CCBE1: variants seen among roughly 807,000 people sequenced by gnomAD.
CCBE1 encodes collagen and calcium binding EGF domains 1, also known as collagen and calcium-binding EGF domain-containing protein 1.
Under a neutral mutation model 50.0 loss-of-function variants are expected in CCBE1, and 37 were observed. The observed-to-expected ratio is 0.74, with a 90% CI of 0.57 to 0.97. The LOEUF (loss-of-function observed/expected upper bound fraction) is 0.97, where lower values mean the gene tolerates loss of function less well. Ranked by LOEUF, CCBE1 falls within the 50% of genes least tolerant of loss-of-function variation. The pLI, the probability that CCBE1 is intolerant of heterozygous loss-of-function variation, is 0.00. For missense variants in CCBE1, 538 were observed against 523.8 expected (o/e 1.03, Z -0.26); for synonymous variants, 234 against 203.7 (o/e 1.15, Z -1.27).
intron 2 of CCBE1, among the ~76,000 whole-genome samples, chr18:59,618,596 T>C (rs936402585): frequency 6.6e-6 from 1 of 152,078 alleles, no homozygotes; most frequent in Non-Finnish European, 1.5e-5. Flanking sequence ...CACCAAACCC[T>C]GCTAATTTTT....
Position 59,536,218 on chromosome 18 carries a change from T to G in CCBE1, c.213-55980A>C, listed in dbSNP as rs1018258223. Among the ~76,000 whole-genome samples, 4 of 152,368 alleles carry G rather than the reference T, an allele frequency of 2.6e-5. No individual in the cohort carries two copies. In the South Asian group the frequency reaches 6.2e-4, roughly 24 times the overall value. ...TTTGATCAAATCGATCTTTATGAGC[T>G]TCCGTCTTCTCATCTGGTGTGCAAG... On this transcript the variant is annotated intron_variant, in intron 2 of 10. Coordinates refer to ENST00000439986, the MANE Select transcript of CCBE1 (RefSeq NM_133459.4).
intron 2 of CCBE1, among the ~76,000 whole-genome samples, chr18:59,550,196 G>C (rs1216101728): frequency 6.6e-6 from 1 of 152,034 alleles, no homozygotes; most frequent in East Asian, 1.9e-4. Flanking sequence ...CCTCTTGGTG[G>C]GCAAGCTTCC....
At chr18:59,444,506 A>G (rs1910585365) in intron 7 of CCBE1, among the ~76,000 whole-genome samples, 1 of 150,822 alleles carries the variant, frequency 6.6e-6, no homozygotes, top group Non-Finnish European at 1.5e-5. Flanking sequence ...TATCCTTGTC[A>G]ATACTTATTT....
chr18:59,459,178 T>C (rs1911346154), intron 5 of CCBE1: 1 of 152,220 alleles, frequency 6.6e-6, no homozygotes, highest in African/African-American at 2.4e-5. Flanking sequence ...ATTACTATGA[T>C]TCAGTTCTCT....
intron 2 of CCBE1, among the ~76,000 whole-genome samples, chr18:59,576,204 T>C (rs2052992688): frequency 1.3e-5 from 2 of 152,192 alleles, no homozygotes; most frequent in Non-Finnish European, 2.9e-5. Flanking sequence ...GTTTTGGAGG[T>C]TACAGGTAAA....
chr18:59,651,611 T>C lies in CCBE1; in HGVS notation c.212+45018A>G, dbSNP rs540337206. ...GATCTTTCCTGAGATGGAACGTGAT[T>C]GACAGGGAATGAGTTAATCTTCTGC... On this transcript the variant is annotated intron_variant, in intron 2 of 10. Coordinates refer to ENST00000439986, the MANE Select transcript of CCBE1 (RefSeq NM_133459.4). Among the ~76,000 whole-genome samples, 7 of 152,328 alleles carry C rather than the reference T, an allele frequency of 4.6e-5. 1 individual carries two copies. Among genetic ancestry groups the C allele is most frequent in the African/African-American group, 1.7e-4 (7 of 41,564 alleles).
At position 59,473,179 on chromosome 18, in the gene CCBE1, T is replaced by C. The variant is rs930981546; in HGVS notation, c.266-3572A>G. 5.3e-5 allele frequency among the ~76,000 whole-genome samples: 8 copies of C among 152,324 alleles called. 1 individual carries two copies. The South Asian group carries it at 1.0e-3, about 20-fold the overall frequency. Reference sequence around the variant, plus strand: ...AAAAATGTCATAAAAGGGGTAAAAGTTTTGAGATCATGCATGTCTAAAATA... The same window carrying C: ...AAAAATGTCATAAAAGGGGTAAAAGCTTTGAGATCATGCATGTCTAAAATA... On this transcript the variant is annotated intron_variant, in intron 3 of 10. Transcript: ENST00000439986.
intron 2 of CCBE1, among the ~76,000 whole-genome samples, chr18:59,618,499 A>C (rs28716296): frequency 2.0e-4 from 31 of 151,726 alleles, no homozygotes; most frequent in African/African-American, 7.3e-4. Flanking sequence ...CAGTGGCACA[A>C]TCTCGGCTTA....
intron 2 of CCBE1, among the ~76,000 whole-genome samples, chr18:59,573,739 G>A (rs1190697905): frequency 6.6e-6 from 1 of 152,026 alleles, no homozygotes; most frequent in East Asian, 1.9e-4. Flanking sequence ...AGTTATTGCT[G>A]TACTATCATT....
intron 2 of CCBE1, among the ~76,000 whole-genome samples, chr18:59,645,082 C>T (rs746443929): frequency 2.6e-5 from 4 of 152,032 alleles, no homozygotes; most frequent in Non-Finnish European, 5.9e-5. Context: ...GGTGAAACCC[C>T]GTCTCTACTA....
At chr18:59,496,349 G>T (rs908305294) in intron 2 of CCBE1, among the ~76,000 whole-genome samples, 2 of 152,114 alleles carry the variant, frequency 1.3e-5, no homozygotes, top group African/African-American at 4.8e-5. Flanking sequence ...TGTTTTTCCT[G>T]AAGTTGGCAA....
chr18:59,458,700 C>T (rs985970703), intron 5 of CCBE1, among the ~76,000 whole-genome samples: 7 of 152,162 alleles, frequency 4.6e-5, no homozygotes, highest in East Asian at 1.9e-4. Context: ...AGTGGGTGCA[C>T]GCAGTGAGCC....
chr18:59,604,720 G>A (rs1297249986), intron 2 of CCBE1, among the ~76,000 whole-genome samples: 3 of 152,256 alleles, frequency 2.0e-5, no homozygotes, highest in Admixed American at 6.5e-5. Flanking sequence ...CAACTCTTCA[G>A]ATGGATAATT....
At chr18:59,582,371 C>T (rs892874111) in intron 2 of CCBE1, among the ~76,000 whole-genome samples, 6 of 152,192 alleles carry the variant, frequency 3.9e-5, no homozygotes, top group Admixed American at 3.3e-4. Flanking sequence ...TGATGTTGTC[C>T]AAGCCTGAGG....
At chr18:59,499,510 G>C (rs1220115965) in intron 2 of CCBE1, among the ~76,000 whole-genome samples, 4 of 152,220 alleles carry the variant, frequency 2.6e-5, no homozygotes, top group Admixed American at 2.6e-4. Context: ...AGAAGGCAAG[G>C]AGGAGCAAGT....
At chr18:59,545,243 A>G (rs918507462) in intron 2 of CCBE1, among the ~76,000 whole-genome samples, 16 of 137,014 alleles carry the variant, frequency 1.2e-4, no homozygotes, top group African/African-American at 4.1e-4. Context: ...ATATACAAAC[A>G]TTTTAAAGGA....
intron 3 of CCBE1, among the ~76,000 whole-genome samples, chr18:59,477,258 T>C (rs1482741804): frequency 6.6e-6 from 1 of 152,180 alleles, no homozygotes; most frequent in African/African-American, 2.4e-5. Flanking sequence ...CCCTTAGTAT[T>C]GTCACACCCT....
At chr18:59,697,112 A>G in intron 1 of CCBE1, 100 bp downstream of exon 1, 2 of 1,480,128 alleles carry the variant, frequency 1.4e-6, no homozygotes, top group Non-Finnish European at 1.8e-6. Flanking sequence ...GGGCGTGCGG[A>G]TCGCTGTGGG....
At chr18:59,687,788 ATC>A in intron 2 of CCBE1, among the ~76,000 whole-genome samples, 1 of 152,182 alleles carries the variant, frequency 6.6e-6, no homozygotes, top group East Asian at 1.9e-4. Flanking sequence ...GCAAAACCCC[ATC>A]TCTACTAAAA....
Sources: gnomAD v4.1 joint callset for allele counts (sites outside exome capture counted in the v4.1 genomes callset) on GRCh38, gnomAD v4.1.1 for gene constraint, MANE v1.5 for transcripts, NCBI Gene and HGNC (gene_info 2026-07-23, HGNC 2026-07-21) for gene names.